The following ASAP2 variants were observed in gnomAD, a reference collection of about 807,000 sequenced individuals.
ASAP2 encodes arf-GAP with SH3 domain, ANK repeat and PH domain-containing protein 2.
Under a neutral mutation model 131.4 loss-of-function variants are expected in ASAP2, and 45 were observed. The observed-to-expected ratio is 0.34, with a 90% CI of 0.27 to 0.44. The LOEUF (loss-of-function observed/expected upper bound fraction) is 0.44, where lower values mean the gene tolerates loss of function less well. ASAP2 is among the 20% of genes least tolerant of loss of function. The pLI, the probability that ASAP2 is intolerant of heterozygous loss-of-function variation, is 1.00. For synonymous variants in ASAP2, 510 were observed against 503.0 expected (o/e 1.01, Z -0.19); for missense variants, 1,011 against 1,297.0 (o/e 0.78, Z 3.39).
chr2:9,303,550 A>G (rs1158947593), intron 3 of ASAP2, among the ~76,000 whole-genome samples: 2 of 152,190 alleles, frequency 1.3e-5, no homozygotes, highest in Non-Finnish European at 2.9e-5. Context: ...GGACTTGCTG[A>G]CAGTCGCTTT....
intron 1 of ASAP2, 122 bp from the exon 2 acceptor site, chr2:9,279,195 C>T (rs907420607): frequency 3.5e-6 from 3 of 868,082 alleles, no homozygotes; most frequent in South Asian, 1.5e-5. Flanking sequence ...GGAGGCTTGT[C>T]TCCCAGAAAC....
chr2:9,369,652 G>C (rs1398682764), intron 16 of ASAP2, among the ~76,000 whole-genome samples: 1 of 152,168 alleles, frequency 6.6e-6, no homozygotes, highest in African/African-American at 2.4e-5. Context: ...TGGCAGGACA[G>C]AGAAAAATGA....
chr2:9,238,795 AC>A (rs1379445264), intron 1 of ASAP2, among the ~76,000 whole-genome samples: 1 of 152,138 alleles, frequency 6.6e-6, no homozygotes. Context: ...GACCTAAAAC[AC>A]CCCGAAAGCT....
intron 1 of ASAP2, among the ~76,000 whole-genome samples, chr2:9,277,060 G>A (rs1020282267): frequency 6.6e-6 from 1 of 152,194 alleles, no homozygotes; most frequent in Non-Finnish European, 1.5e-5. Context: ...AAAGCCTGGA[G>A]CCGGCCCAGA....
In ASAP2 at chr2:9,207,143, G is replaced by A. The variant is rs938814844; in HGVS notation, c.39G>A (p.Glu13=). The A allele has an allele frequency of 1.2e-6, 2 of 1,601,296 alleles. No individual in the cohort carries two copies. Among genetic ancestry groups the A allele is most frequent in the Non-Finnish European group, 8.5e-7 (1 of 1,174,812 alleles). ...TCTCCGTGTCGGAATTCGTGGCCGA[G>A]ACCCATGAGGACTACAAGGCGCCCA... ...DQISVSEFVA[E]THEDYKAPTA... Residue 13 remains glutamate, a synonymous_variant, in exon 1 of 28, where the codon GAG becomes GAA. Transcript: ENST00000281419. The surrounding 1 kb of genome is among the most constrained non-coding windows in gnomAD (Gnocchi z 4.1).
chr2:9,317,133 A>ACACT (rs1553311238), intron 3 of ASAP2, among the ~76,000 whole-genome samples: 42,792 of 147,790 alleles, frequency 0.29, 6,614 homozygotes, highest in Non-Finnish European at 0.35. Flanking sequence ...ACCACACAAC[A>ACACT]CACATCCCAA....
chr2:9,218,822 T>C lies in ASAP2; in HGVS notation c.126+11592T>C, dbSNP rs115638247. On this transcript the variant is annotated intron_variant, in intron 1 of 27. Transcript: ENST00000281419. ...TGGCTGTCGTCTCTGTTTTTTTCTT[T>C]ATCTTGACTATTTATATTTATACTT... is the stretch of plus-strand genomic sequence containing the variant. Among the ~76,000 whole-genome samples the C allele has an allele frequency of 6.8e-4, 103 of 152,374 alleles. 2 individuals are homozygous for C. The highest frequency in any genetic ancestry group is 2.5e-3 in the African/African-American group (103 of 41,590).
At chr2:9,323,061 G>C (rs1043096155) in intron 5 of ASAP2, 60 bp from the exon 6 acceptor site, 6 of 1,606,158 alleles carry the variant, frequency 3.7e-6, no homozygotes, top group Middle Eastern at 1.7e-4. Flanking sequence ...TGGCTTCAAG[G>C]CTGTCCCGTT....
intron 6 of ASAP2, among the ~76,000 whole-genome samples, chr2:9,325,705 C>T (rs773840199): frequency 2.0e-5 from 3 of 152,144 alleles, no homozygotes; most frequent in Non-Finnish European, 2.9e-5. Context: ...GTGAATTGAT[C>T]CTGTGAACTG....
intron 1 of ASAP2, among the ~76,000 whole-genome samples, chr2:9,215,108 A>G (rs1168157387): frequency 6.6e-6 from 1 of 152,192 alleles, no homozygotes; most frequent in East Asian, 1.9e-4. Context: ...TTAAGAGCCT[A>G]TTGCTCCTAG....
chr2:9,289,498 G>A (rs540628266), intron 2 of ASAP2, among the ~76,000 whole-genome samples: 5 of 152,042 alleles, frequency 3.3e-5, no homozygotes, highest in South Asian at 2.1e-4. Flanking sequence ...AAGTAAATGC[G>A]GATACATTCT....
chr2:9,389,778 G>A lies in ASAP2; in HGVS notation c.2383+1232G>A, dbSNP rs926326379. Among the ~76,000 whole-genome samples the A allele has an allele frequency of 6.6e-6, 1 of 152,138 alleles. No individual in the cohort carries two copies. The highest frequency in any genetic ancestry group is 1.5e-5 in the Non-Finnish European group (1 of 68,024). ...CCCCACACAGCCCACATCCCAGACC[G>A]CGTCCATCCCTGGCTTGATGAGGAC... On this transcript the variant is annotated intron_variant, in intron 22 of 27. Coordinates refer to ENST00000281419, the MANE Select transcript of ASAP2 (RefSeq NM_003887.3). This position sits in a 1 kb window ranked among gnomAD's most constrained non-coding sequence, Gnocchi z 4.7.
chr2:9,321,727 C>G (rs1277730859), intron 5 of ASAP2, among the ~76,000 whole-genome samples: 2 of 152,106 alleles, frequency 1.3e-5, no homozygotes, highest in Non-Finnish European at 2.9e-5. Context: ...AGAGAGTCAT[C>G]TGGTTCTGAA....
intron 11 of ASAP2, 65 bp from the exon 12 acceptor site, chr2:9,350,743 C>T: frequency 7.2e-7 from 1 of 1,386,720 alleles, no homozygotes; most frequent in Non-Finnish European, 1.0e-6. Flanking sequence ...AGGATTGATA[C>T]TGTATGATTT....
At chr2:9,388,617 G>A in intron 22 of ASAP2, 71 bp downstream of exon 22, 1 of 1,548,300 alleles carries the variant, frequency 6.5e-7, no homozygotes, top group Non-Finnish European at 8.7e-7. Context: ...GTTTGCAGCT[G>A]CCCTGCCTCC....
chr2:9,296,465 T>C (rs1668158303), intron 2 of ASAP2, among the ~76,000 whole-genome samples: 2 of 152,164 alleles, frequency 1.3e-5, no homozygotes, highest in Non-Finnish European at 2.9e-5. Context: ...GAGTCCAGAT[T>C]TTCACTCTTT....
chr2:9,240,245 ATTTTT>A (rs34070129), intron 1 of ASAP2, among the ~76,000 whole-genome samples: 1 of 127,068 alleles, frequency 7.9e-6, no homozygotes, highest in Admixed American at 7.9e-5. Context: ...TCCTCCCATA[ATTTTT>A]TTTTTTTTTT....
At chr2:9,396,524 A>C (rs1157953935) in intron 24 of ASAP2, among the ~76,000 whole-genome samples, 1 of 151,832 alleles carries the variant, frequency 6.6e-6, no homozygotes, top group African/African-American at 2.4e-5. Context: ...CAGTCCTCCC[A>C]CCTTGGCCTT....
Position 9,318,690 on chromosome 2 carries a change from G to A in ASAP2, c.420+92G>A, listed in dbSNP as rs1311073391. The A allele has an allele frequency of 4.4e-5, 34 of 774,110 alleles. No homozygotes were observed. The Admixed American group carries it at 6.4e-4, about 15-fold the overall frequency. The allele number at this position is 774,110 out of a possible 1,614,324, so 48.0% of individuals were successfully genotyped here. ...TGCCGGGCAGCAGCCACGCCAGTAC[G>A]TTCTCATTGGGACGATAGGATGGCT... On this transcript the variant is annotated intron_variant, in intron 4 of 27. Transcript: ENST00000281419.
Sources: gnomAD v4.1 joint callset for allele counts (sites outside exome capture counted in the v4.1 genomes callset) on GRCh38, gnomAD v4.1.1 for gene constraint, Gnocchi (gnomAD v3.1) non-coding constraint, MANE v1.5 for transcripts, NCBI Gene and HGNC (gene_info 2026-07-23, HGNC 2026-07-21) for gene names.